The following RASAL2 variants were observed in gnomAD, a reference collection of about 807,000 sequenced individuals.
The protein encoded by RASAL2 is RAS protein activator like 2.
In RASAL2, 58 loss-of-function variants were observed where a neutral mutation model predicts 128.9. The observed-to-expected ratio is 0.45, with a 90% CI of 0.36 to 0.56. The LOEUF is 0.56. Ranked by LOEUF, RASAL2 falls within the 20% of genes least tolerant of loss-of-function variation. RASAL2 has a pLI of 0.00. For synonymous variants in RASAL2, 561 were observed against 580.8 expected (o/e 0.97, Z 0.49); for missense variants, 1,360 against 1,601.6 (o/e 0.85, Z 2.57).
chr1:178,428,272 T>A (rs1488364889), intron 5 of RASAL2, among the ~76,000 whole-genome samples: 1 of 152,018 alleles, frequency 6.6e-6, no homozygotes, highest in Non-Finnish European at 1.5e-5. Context: ...GTGAACGTGT[T>A]TTCCCTTCTA....
chr1:178,280,758 T>A (rs989062525), intron 1 of RASAL2, among the ~76,000 whole-genome samples: 2 of 152,154 alleles, frequency 1.3e-5, no homozygotes, highest in Non-Finnish European at 2.9e-5. Flanking sequence ...TTTTCAGTTT[T>A]GCTATTAAGA....
chr1:178,473,448 A>T lies in RASAL2; in HGVS notation c.*209A>T, dbSNP rs927359446. The T allele has an allele frequency of 1.7e-6, 1 of 603,636 alleles. No individual in the cohort carries two copies. Among genetic ancestry groups the T allele is most frequent in the African/African-American group, 1.9e-5 (1 of 53,914 alleles). The allele number at this position is 603,636 out of a possible 1,614,324, so 37.4% of individuals were successfully genotyped here. A position where few individuals can be genotyped will look rare whatever the true frequency, so the allele number is the denominator to read the frequency against. ...GCTTTTCCCCCACATCTCTATGTAC[A>T]TAGGGAACTTAGTTCTGGGCCATGT... On this transcript the variant is annotated 3_prime_UTR_variant, in exon 18 of 18. Coordinates refer to ENST00000367649, the MANE Select transcript of RASAL2 (RefSeq NM_170692.4).
intron 1 of RASAL2, among the ~76,000 whole-genome samples, chr1:178,205,789 C>T (rs1663024076): frequency 6.6e-6 from 1 of 152,118 alleles, no homozygotes; most frequent in African/African-American, 2.4e-5. Context: ...CACACCTCTG[C>T]TGCCTTACAT....
intron 1 of RASAL2, among the ~76,000 whole-genome samples, chr1:178,197,824 T>C (rs956410515): frequency 1.3e-5 from 2 of 152,134 alleles, no homozygotes; most frequent in Non-Finnish European, 2.9e-5. Context: ...ACATTAGGTA[T>C]TTCTCCTAAT....
At chr1:178,469,861 C>T (rs1648100032) in intron 17 of RASAL2, among the ~76,000 whole-genome samples, 1 of 152,188 alleles carries the variant, frequency 6.6e-6, no homozygotes, top group African/African-American at 2.4e-5. Flanking sequence ...ATAAATTATT[C>T]TACCAGAGAC....
At chr1:178,172,321 T>C (rs923081507) in intron 1 of RASAL2, among the ~76,000 whole-genome samples, 2 of 151,312 alleles carry the variant, frequency 1.3e-5, no homozygotes, top group African/African-American at 4.9e-5. Flanking sequence ...GAAATGGTGG[T>C]GGTCTCAGTA....
chr1:178,417,214 A>G (rs545443412), intron 4 of RASAL2, among the ~76,000 whole-genome samples: 3 of 151,116 alleles, frequency 2.0e-5, no homozygotes, highest in East Asian at 3.9e-4. Context: ...CTTGCTTTTC[A>G]GTTTTGGATG....
intron 1 of RASAL2, among the ~76,000 whole-genome samples, chr1:178,184,377 G>A (rs1453149780): frequency 9.6e-5 from 11 of 114,926 alleles, no homozygotes; most frequent in Admixed American, 3.1e-4. Context: ...TCCAGGTCAC[G>A]TATAATTTTT....
At chr1:178,249,824 C>T (rs894451960) in intron 1 of RASAL2, among the ~76,000 whole-genome samples, 16 of 152,184 alleles carry the variant, frequency 1.1e-4, no homozygotes. Flanking sequence ...ACAGGCCTCT[C>T]TTCTGCAGAT....
Position 178,474,879 on chromosome 1 carries a change from TA to T in RASAL2, c.*1642del, listed in dbSNP as rs1270379052. 1 of 152,130 alleles carries T rather than the reference TA, an allele frequency of 6.6e-6. No homozygotes were observed. Among genetic ancestry groups the T allele is most frequent in the African/African-American group, 2.4e-5 (1 of 41,426 alleles). 9.4% of individuals were successfully genotyped at this position (152,130 alleles called of 1,614,324 possible). A position where few individuals can be genotyped will look rare whatever the true frequency, so the allele number is the denominator to read the frequency against. On this transcript the variant is annotated 3_prime_UTR_variant, in exon 18 of 18. Coordinates refer to ENST00000367649, the MANE Select transcript of RASAL2 (RefSeq NM_170692.4). The stretch of plus-strand genomic sequence containing the variant: ...ATAAGTTGATGTTGATTTTAAATTA[TA>T]AGCTTTAAAGAATTTTTTTTCTAGA...
chr1:178,258,183 A>G (rs1216702103), intron 1 of RASAL2, among the ~76,000 whole-genome samples: 1 of 151,518 alleles, frequency 6.6e-6, no homozygotes, highest in Non-Finnish European at 1.5e-5. Flanking sequence ...AGTCCCAGCT[A>G]CTCGGGAGGC....
At chr1:178,406,518 A>G (rs1489253782) in intron 4 of RASAL2, among the ~76,000 whole-genome samples, 1 of 152,194 alleles carries the variant, frequency 6.6e-6, no homozygotes, top group Non-Finnish European at 1.5e-5. Flanking sequence ...TACATTTATC[A>G]AAACTTGTCA....
chr1:178,195,347 A>G (rs1268637429), intron 1 of RASAL2, among the ~76,000 whole-genome samples: 2 of 152,202 alleles, frequency 1.3e-5, no homozygotes, highest in Non-Finnish European at 2.9e-5. Context: ...TGAATAGCTA[A>G]TTGTTAGTGA....
intron 1 of RASAL2, among the ~76,000 whole-genome samples, chr1:178,172,229 T>C (rs909133821): frequency 6.6e-6 from 1 of 152,024 alleles, no homozygotes; most frequent in African/African-American, 2.4e-5. Context: ...CAATTATATC[T>C]ACAAATTGGC....
intron 1 of RASAL2, among the ~76,000 whole-genome samples, chr1:178,129,327 T>A (rs1660012431): frequency 6.6e-6 from 1 of 152,148 alleles, no homozygotes; most frequent in South Asian, 2.1e-4. Context: ...TTTTAACTTG[T>A]ATTTTTTGTG....
intron 1 of RASAL2, among the ~76,000 whole-genome samples, chr1:178,111,677 A>G (rs1298243365): frequency 6.6e-6 from 1 of 152,268 alleles, no homozygotes; most frequent in African/African-American, 2.4e-5. Flanking sequence ...AGCTTTTCAT[A>G]TGCTTATTGG....
intron 1 of RASAL2, among the ~76,000 whole-genome samples, chr1:178,191,895 G>A (rs1296877341): frequency 6.6e-6 from 1 of 152,094 alleles, no homozygotes; most frequent in African/African-American, 2.4e-5. Context: ...ACACACACTG[G>A]ATAAAGGAAA....
At chr1:178,307,605 C>T (rs1172017628) in intron 3 of RASAL2, among the ~76,000 whole-genome samples, 1 of 152,076 alleles carries the variant, frequency 6.6e-6, no homozygotes, top group Admixed American at 6.6e-5. Flanking sequence ...TTTAAAAAAA[C>T]CAAAGCTATC....
At chr1:178,437,912 T>C (rs1676360754) in intron 5 of RASAL2, among the ~76,000 whole-genome samples, 1 of 152,064 alleles carries the variant, frequency 6.6e-6, no homozygotes, top group Non-Finnish European at 1.5e-5. Flanking sequence ...TTAAATATTT[T>C]AATTTTTTGT....
Sources: allele counts gnomAD v4.1 joint callset (sites outside exome capture counted in the v4.1 genomes callset), GRCh38; gene constraint gnomAD v4.1.1; transcripts MANE v1.5; gene names NCBI Gene and HGNC (gene_info 2026-07-23, HGNC 2026-07-21).